The following BTBD7 variants were observed in gnomAD, a reference collection of about 807,000 sequenced individuals.
The protein encoded by BTBD7 is BTB/POZ domain-containing protein 7.
Under a neutral mutation model 99.9 loss-of-function variants are expected in BTBD7, and 38 were observed. The observed-to-expected ratio is 0.38, with a 90% CI of 0.29 to 0.50. BTBD7 has a LOEUF of 0.50. BTBD7 is among the 20% of genes least tolerant of loss of function. The pLI, the probability that BTBD7 is intolerant of heterozygous loss-of-function variation, is 0.93. For synonymous variants in BTBD7, 520 were observed against 511.4 expected, an observed-to-expected ratio of 1.02 and a Z score of -0.23; for missense variants, 1,170 against 1,394.6, an observed-to-expected ratio of 0.84 and a Z score of 2.57.
At chr14:93,285,332 G>C (rs1235728135) in intron 3 of BTBD7, among the ~76,000 whole-genome samples, 2 of 152,138 alleles carry the variant, frequency 1.3e-5, no homozygotes, top group African/African-American at 2.4e-5. Context: ...AGTTGCTTCT[G>C]TTAGATTTTT....
chr14:93,261,146 T>C (rs988505572), intron 5 of BTBD7, among the ~76,000 whole-genome samples: 2 of 152,212 alleles, frequency 1.3e-5, no homozygotes, highest in African/African-American at 2.4e-5. Context: ...TACTCGTATT[T>C]TTAAACTGAG....
At chr14:93,262,227 G>C (rs2052497152) in intron 4 of BTBD7, among the ~76,000 whole-genome samples, 1 of 151,744 alleles carries the variant, frequency 6.6e-6, no homozygotes, top group South Asian at 2.1e-4. Flanking sequence ...CCTCCTCCCA[G>C]GTTCACGCCA....
chr14:93,323,094 G>A (rs2053288522), intron 1 of BTBD7, among the ~76,000 whole-genome samples: 1 of 152,116 alleles, frequency 6.6e-6, no homozygotes, highest in Non-Finnish European at 1.5e-5. Context: ...CTGCACTCCA[G>A]CCTGGGCACA....
chr14:93,256,376 T>C (rs1159321349), intron 6 of BTBD7: 1 of 151,844 alleles, frequency 6.6e-6, no homozygotes, highest in Non-Finnish European at 1.5e-5. Context: ...AGAACTAATA[T>C]TTATAATATT....
chr14:93,305,636 T>C (rs1353320565), intron 1 of BTBD7, among the ~76,000 whole-genome samples: 3 of 152,246 alleles, frequency 2.0e-5, no homozygotes, highest in Non-Finnish European at 4.4e-5. Context: ...TTTAAGTATG[T>C]CAGAATGAAA....
intron 9 of BTBD7, 104 bp from the exon 10 acceptor site, chr14:93,246,390 G>C: frequency 8.3e-7 from 1 of 1,210,702 alleles, no homozygotes; most frequent in Middle Eastern, 2.3e-4. Context: ...GAAAACCACA[G>C]TCAGCAAGAA....
At chr14:93,259,440 G>A (rs1029008781) in intron 5 of BTBD7, among the ~76,000 whole-genome samples, 1 of 152,188 alleles carries the variant, frequency 6.6e-6, no homozygotes, top group Non-Finnish European at 1.5e-5. Context: ...AAGGAGATCT[G>A]AAACAAGAAG....
At chr14:93,332,238 T>TCTA (rs1374697873) in intron 1 of BTBD7, 4 of 152,196 alleles carry the variant, frequency 2.6e-5, no homozygotes, top group African/African-American at 9.7e-5. Flanking sequence ...TATCAAACAC[T>TCTA]CGGTATTGTC....
intron 6 of BTBD7, among the ~76,000 whole-genome samples, chr14:93,254,414 C>CG (rs2052406241): frequency 6.6e-6 from 1 of 151,978 alleles, no homozygotes; most frequent in East Asian, 1.9e-4. Flanking sequence ...CTTTACTCAT[C>CG]TAGGAACAAA....
intron 1 of BTBD7, among the ~76,000 whole-genome samples, chr14:93,307,453 GA>G (rs2053084610): frequency 2.0e-5 from 3 of 152,202 alleles, no homozygotes; most frequent in Admixed American, 6.5e-5. Context: ...AGCACACCCA[GA>G]CGTGACTTTA....
chr14:93,245,508 G>T (rs1233520948), intron 10 of BTBD7, among the ~76,000 whole-genome samples: 2 of 152,228 alleles, frequency 1.3e-5, no homozygotes, highest in Non-Finnish European at 2.9e-5. Flanking sequence ...ACCTGTGCTT[G>T]AACAGAACAT....
intron 1 of BTBD7, among the ~76,000 whole-genome samples, chr14:93,308,556 C>T (rs2053099097): frequency 2.0e-5 from 3 of 152,230 alleles, no homozygotes; most frequent in South Asian, 4.1e-4. Flanking sequence ...TGTACACCCA[C>T]GTTCATAGCA....
At chr14:93,257,487 A>G in intron 5 of BTBD7, 132 bp from the exon 6 acceptor site, 2 of 736,484 alleles carry the variant, frequency 2.7e-6, no homozygotes, top group Non-Finnish European at 4.1e-6. Flanking sequence ...AAGGGTTATA[A>G]ATCAATTATT....
intron 6 of BTBD7, among the ~76,000 whole-genome samples, chr14:93,254,806 G>A (rs11628028): frequency 0.17 from 25,377 of 152,210 alleles, 2,355 homozygotes; most frequent in East Asian, 0.31. Flanking sequence ...CATACTAAGA[G>A]AGCATGAAAG....
intron 3 of BTBD7, among the ~76,000 whole-genome samples, chr14:93,281,834 C>T (rs747193657): frequency 2.6e-5 from 4 of 152,164 alleles, no homozygotes; most frequent in Non-Finnish European, 5.9e-5. Flanking sequence ...CATTTCTTTT[C>T]TCCCCCAGCA....
intron 3 of BTBD7, chr14:93,287,840 C>CT (rs2052798424): frequency 6.6e-6 from 1 of 152,222 alleles, no homozygotes; most frequent in Non-Finnish European, 1.5e-5. Context: ...TCTTGGTTTG[C>CT]TTCGTCATTT....
chr14:93,328,611 TAAAAAAAA>T (rs57161505), intron 1 of BTBD7, among the ~76,000 whole-genome samples: 5 of 101,868 alleles, frequency 4.9e-5, no homozygotes, highest in Non-Finnish European at 1.0e-4. Context: ...TAAAATTCTT[TAAAAAAAA>T]AAAAAAAAAA....
chr14:93,253,721 C>A lies in BTBD7; in HGVS notation c.1678G>T (p.Ala560Ser). ...CCAGCATTTTTTTGCCGTAACCAGGCATTTGACTTCCCACCTTCTGTTGTA... is the reference window on the plus strand; with the variant it reads ...CCAGCATTTTTTTGCCGTAACCAGGAATTTGACTTCCCACCTTCTGTTGTA... Reference protein sequence around the residue: ...LPTTEGGKSNAWLRQKNAGIY... With the variant: ...LPTTEGGKSNSWLRQKNAGIY... The change falls in exon 7 of 11, where the codon GCC becomes TCC. Residue 560 changes from alanine (A) to serine (S), a missense_variant. Transcript: ENST00000334746. 2 of 1,613,314 alleles carry A rather than the reference C, an allele frequency of 1.2e-6. No individual in the cohort carries two copies. Among genetic ancestry groups the A allele is most frequent in the Non-Finnish European group, 1.7e-6 (2 of 1,179,504 alleles).
intron 1 of BTBD7, among the ~76,000 whole-genome samples, chr14:93,324,277 T>C (rs1439587498): frequency 6.6e-6 from 1 of 152,010 alleles, no homozygotes; most frequent in Non-Finnish European, 1.5e-5. Context: ...CCTCTACAAA[T>C]AATTTTTTTA....
Sources: allele counts gnomAD v4.1 joint callset (sites outside exome capture counted in the v4.1 genomes callset), GRCh38; gene constraint gnomAD v4.1.1; transcripts MANE v1.5; gene names NCBI Gene and HGNC (gene_info 2026-07-23, HGNC 2026-07-21).